UVRAG: variants seen among roughly 807,000 people sequenced by gnomAD.
The protein encoded by UVRAG is UV radiation resistance associated, also known as UV radiation resistance-associated gene protein.
In UVRAG, 19 loss-of-function variants were observed where a neutral mutation model predicts 78.0. The observed-to-expected ratio is 0.24, with a 90% CI of 0.17 to 0.36. The LOEUF is 0.36. Among genes scored for constraint, UVRAG ranks in the 10% least tolerant of loss-of-function variants. The pLI, the probability that UVRAG is intolerant of heterozygous loss-of-function variation, is 1.00. For synonymous variants in UVRAG, 323 were observed against 324.6 expected (o/e 1.00, Z 0.05); for missense variants, 740 against 853.8 (o/e 0.87, Z 1.66).
At chr11:75,881,133 T>C (rs1946935948) in intron 4 of UVRAG, among the ~76,000 whole-genome samples, 1 of 151,944 alleles carries the variant, frequency 6.6e-6, no homozygotes, top group African/African-American at 2.4e-5. Flanking sequence ...CATGCCCAGC[T>C]AATTTTTATT....
rs560526418 is a variant in UVRAG at position 75,828,389 on chromosome 11, G to A, written c.117+12865G>A. ...CCTGGGAGGCTGAGGTGGGAGGATT[G>A]CTTGAGGCCAGGAGTTTGATTCCAG... On this transcript the variant is annotated intron_variant, in intron 1 of 14. Transcript: ENST00000356136. 1.1e-4 allele frequency among the ~76,000 whole-genome samples: 16 copies of A among 149,732 alleles called. No homozygotes were observed. In the East Asian group the frequency reaches 3.2e-3, roughly 30 times the overall value.
chr11:76,066,402 T>C (rs1951186431), intron 13 of UVRAG, among the ~76,000 whole-genome samples: 1 of 152,224 alleles, frequency 6.6e-6, no homozygotes, highest in Admixed American at 6.5e-5. Flanking sequence ...CTTCTGGCCC[T>C]ACTTCAAGAT....
chr11:75,945,192 G>A (rs529856141), intron 6 of UVRAG, among the ~76,000 whole-genome samples: 3 of 152,118 alleles, frequency 2.0e-5, no homozygotes, highest in East Asian at 3.9e-4. Flanking sequence ...TTTTAATTCC[G>A]TGGGTGTCTG....
At chr11:76,036,354 C>T (rs999142871) in intron 12 of UVRAG, among the ~76,000 whole-genome samples, 4 of 152,016 alleles carry the variant, frequency 2.6e-5, no homozygotes, top group African/African-American at 9.7e-5. Flanking sequence ...TTTGAGACTT[C>T]AGCCTAGGCA....
intron 6 of UVRAG, among the ~76,000 whole-genome samples, chr11:75,932,429 C>T (rs1289384461): frequency 6.6e-6 from 1 of 152,012 alleles, no homozygotes; most frequent in East Asian, 1.9e-4. Flanking sequence ...GGACTACAGG[C>T]GTGCATCACC....
At chr11:75,815,562 G>A in intron 1 of UVRAG, 38 bp downstream of exon 1, 1 of 1,188,408 alleles carries the variant, frequency 8.4e-7, no homozygotes, top group African/African-American at 1.6e-5. Context: ...GGAGGGACCC[G>A]GGCAGGCCCG....
At chr11:75,947,411 C>T (rs192519190) in intron 6 of UVRAG, among the ~76,000 whole-genome samples, 73 of 152,146 alleles carry the variant, frequency 4.8e-4, no homozygotes, top group South Asian at 1.9e-3. Flanking sequence ...AGAATTCTGC[C>T]TACCCCAAAG....
At chr11:76,088,904 G>A (rs1227990873) in intron 13 of UVRAG, among the ~76,000 whole-genome samples, 1 of 152,126 alleles carries the variant, frequency 6.6e-6, no homozygotes, top group Non-Finnish European at 1.5e-5. Flanking sequence ...TTGCATGTAT[G>A]TCTCCCCTAC....
In UVRAG at chr11:76,008,706, T is replaced by G. The variant is rs1949996288; in HGVS notation, c.1000-101T>G. 6.8e-6 allele frequency: 4 copies of G among 587,748 alleles called. No homozygotes were observed. The Admixed American group carries it at 1.2e-4, about 18-fold the overall frequency. 36.4% of individuals were successfully genotyped at this position (587,748 alleles called of 1,614,324 possible). On this transcript the variant is annotated intron_variant, in intron 10 of 14. Coordinates refer to ENST00000356136, the MANE Select transcript of UVRAG (RefSeq NM_003369.4). ...CAACAATTATGATAATACTTGGAGT[T>G]TAGAACAGTGTTTTGAGTCAGCACC...
chr11:76,072,332 A>G (rs975789078), intron 13 of UVRAG, among the ~76,000 whole-genome samples: 1 of 152,206 alleles, frequency 6.6e-6, no homozygotes, highest in Non-Finnish European at 1.5e-5. Flanking sequence ...GGAGATGACT[A>G]TGGGATTAAG....
chr11:76,077,765 G>C, intron 13 of UVRAG, among the ~76,000 whole-genome samples: 1 of 152,170 alleles, frequency 6.6e-6, no homozygotes. Flanking sequence ...CGTACTTGCT[G>C]CTTTCCTTTT....
At chr11:76,071,626 T>C (rs2134393427) in intron 13 of UVRAG, among the ~76,000 whole-genome samples, 1 of 152,292 alleles carries the variant, frequency 6.6e-6, no homozygotes, top group East Asian at 1.9e-4. Context: ...TTTAATGGAT[T>C]GCAGGGAACT....
At chr11:76,039,978 G>A (rs960261322) in intron 12 of UVRAG, among the ~76,000 whole-genome samples, 5 of 152,106 alleles carry the variant, frequency 3.3e-5, no homozygotes, top group African/African-American at 4.8e-5. Context: ...CTGAATAAAT[G>A]GATGCACACA....
chr11:75,985,116 T>G (rs2135281697), intron 8 of UVRAG, among the ~76,000 whole-genome samples: 1 of 152,088 alleles, frequency 6.6e-6, no homozygotes, highest in South Asian at 2.1e-4. Context: ...CTCTGTCCAG[T>G]GTTGCTCCTT....
chr11:75,909,093 A>G (rs1025065009), intron 5 of UVRAG, among the ~76,000 whole-genome samples: 4 of 151,984 alleles, frequency 2.6e-5, no homozygotes, highest in African/African-American at 9.7e-5. Flanking sequence ...CATGCCTGTA[A>G]TCCCAGCACT....
chr11:76,116,087 A>G (rs1249837219), intron 14 of UVRAG, 72 bp downstream of exon 14: 1 of 1,369,096 alleles, frequency 7.3e-7, no homozygotes, highest in Non-Finnish European at 1.0e-6. Context: ...TCTGACTTCC[A>G]CATTGCTCCA....
At chr11:75,884,811 A>T (rs1395774856) in intron 4 of UVRAG, among the ~76,000 whole-genome samples, 1 of 152,102 alleles carries the variant, frequency 6.6e-6, no homozygotes, top group African/African-American at 2.4e-5. Context: ...TGTGTCTAGA[A>T]TTCAGTCAAT....
intron 12 of UVRAG, among the ~76,000 whole-genome samples, chr11:76,051,315 A>G (rs1950862355): frequency 6.6e-6 from 1 of 152,110 alleles, no homozygotes. Context: ...AAATCCAGGC[A>G]AATGCAGGAT....
At chr11:75,903,436 A>G (rs747147359) in intron 5 of UVRAG, among the ~76,000 whole-genome samples, 5 of 152,116 alleles carry the variant, frequency 3.3e-5, no homozygotes, top group Non-Finnish European at 7.4e-5. Context: ...CTCTCCAGGG[A>G]TCCAAATAAT....
Sources: gnomAD v4.1 joint callset for allele counts (sites outside exome capture counted in the v4.1 genomes callset) on GRCh38, gnomAD v4.1.1 for gene constraint, MANE v1.5 for transcripts, NCBI Gene and HGNC (gene_info 2026-07-23, HGNC 2026-07-21) for gene names.